The following PHRF1 variants were observed in gnomAD, a reference collection of about 807,000 sequenced individuals.
The protein encoded by PHRF1 is PHD and ring finger domains 1, also known as PHD and RING finger domain-containing protein 1.
A neutral mutation model predicts 128.9 loss-of-function variants in PHRF1; 53 were observed. The observed-to-expected ratio is 0.41, with a 90% CI of 0.33 to 0.52. The LOEUF is 0.52. Ranked by LOEUF, PHRF1 falls within the 20% of genes least tolerant of loss-of-function variation. The pLI is 0.21. For missense variants in PHRF1, 2,503 were observed against 2,284.5 expected (o/e 1.10, Z -1.95); for synonymous variants, 1,178 against 980.6 (o/e 1.20, Z -3.76).
In PHRF1 at chr11:608,291, T is replaced by TG; in HGVS notation, c.2839dup (p.Ala947GlyfsTer10). On this transcript the variant is annotated frameshift_variant, in exon 14 of 18. Transcript: ENST00000264555. LOFTEE classifies it high-confidence loss of function. ...CCCCAGAGCCCTGGGATGAGGAGGA[T>TG]GGGGCGTCTTGCAGCACCTTCTTTG... 1.2e-6 allele frequency: 2 copies of TG among 1,609,504 alleles called. No individual in the cohort carries two copies. The highest frequency in any genetic ancestry group is 1.7e-6 in the Non-Finnish European group (2 of 1,179,140).
At chr11:604,260 G>C (rs1038260493) in intron 10 of PHRF1, among the ~76,000 whole-genome samples, 11 of 152,186 alleles carry the variant, frequency 7.2e-5, no homozygotes, top group Non-Finnish European at 1.6e-4. Flanking sequence ...TGTTTCTGTG[G>C]TTCCTTTCTT....
chr11:585,743 C>T (rs1289808757), intron 3 of PHRF1, among the ~76,000 whole-genome samples: 1 of 145,392 alleles, frequency 6.9e-6, no homozygotes, highest in Admixed American at 7.2e-5. Flanking sequence ...TGCAGCAGCA[C>T]GATCTCAGTT....
At position 608,231 on chromosome 11, in the gene PHRF1, C is replaced by CCAGG; in HGVS notation, c.2776_2779dup (p.Gly927AlafsTer18). 2 of 1,609,768 alleles carry CCAGG rather than the reference C, an allele frequency of 1.2e-6. No individual in the cohort carries two copies. The highest frequency in any genetic ancestry group is 8.5e-7 in the Non-Finnish European group (1 of 1,179,788). ...CGGAGCGAGAGGAGCCCACAGAGAGCCAGGGCCTGGCTGCCCGGCTGCGGA... is the reference window on the plus strand; with the variant it reads ...CGGAGCGAGAGGAGCCCACAGAGAGCCAGGCAGGGCCTGGCTGCCCGGCTGCGGA... On this transcript the variant is annotated frameshift_variant, in exon 14 of 18. Transcript: ENST00000264555. LOFTEE classifies it high-confidence loss of function.
At chr11:585,841 C>T (rs980655438) in intron 3 of PHRF1, among the ~76,000 whole-genome samples, 1 of 151,348 alleles carries the variant, frequency 6.6e-6, no homozygotes, top group African/African-American at 2.4e-5. Flanking sequence ...CCACCGCGTC[C>T]AGCTAATTTT....
At chr11:579,769 C>T (rs1275100269) in intron 1 of PHRF1, among the ~76,000 whole-genome samples, 1 of 152,210 alleles carries the variant, frequency 6.6e-6, no homozygotes, top group Non-Finnish European at 1.5e-5. Flanking sequence ...ATCGCTGTTT[C>T]CAGGCAGTAG....
rs377279203 is a variant in PHRF1 at position 609,794 on chromosome 11, G to A, written c.4264+74G>A. 459 of 1,049,900 alleles carry A rather than the reference G, an allele frequency of 4.4e-4. 3 individuals carry two copies. Among genetic ancestry groups the A allele is most frequent in the Middle Eastern group, 3.7e-3 (10 of 2,688 alleles). The allele number at this position is 1,049,900 out of a possible 1,614,324, so 65.0% of individuals were successfully genotyped here. A position where few individuals can be genotyped will look rare whatever the true frequency, so the allele number is the denominator to read the frequency against. On this transcript the variant is annotated intron_variant, in intron 14 of 17. Transcript: ENST00000264555. ...GGCCCTGGCCCCCGCCGAGGACAGA[G>A]CCCCCCGTGAGTAAGGCCCCGGCCT...
rs201641830 is a variant in PHRF1, at chr11:587,343, A to T, written c.299A>T (p.Asn100Ile). 24 of 1,613,694 alleles carry T rather than the reference A, an allele frequency of 1.5e-5. No individual in the cohort carries two copies. The African/African-American group carries it at 3.1e-4, about 21-fold the overall frequency. Residue 100 changes from asparagine (N) to isoleucine (I), a missense_variant, in exon 4 of 18, where the codon AAT (asparagine) becomes ATT (isoleucine). Transcript: ENST00000264555. ...QGKLEAAGSFNSDDDAESCPI... is the reference protein window; with the variant it reads ...QGKLEAAGSFISDDDAESCPI... The stretch of plus-strand genomic sequence containing the variant: ...AAACTGGAAGCCGCTGGCTCTTTCA[A>T]TTCTGATGATGATGCAGAGAGCTGC...
rs144036793 is a variant in PHRF1, at chr11:601,803, G to A, written c.1152+102G>A. On this transcript the variant is annotated intron_variant, in intron 10 of 17. Transcript: ENST00000264555. ...CTCCCGCTGGCCTTGGCACCCTCGCGCGGTTATGGAGCAGGGATCATCATC... is the reference window on the plus strand; with the variant it reads ...CTCCCGCTGGCCTTGGCACCCTCGCACGGTTATGGAGCAGGGATCATCATC... The A allele has an allele frequency of 8.5e-4, 1,230 of 1,446,904 alleles. 12 individuals are homozygous for A. The African/African-American group carries it at 0.015, about 17-fold the overall frequency. 89.6% of individuals were successfully genotyped at this position (1,446,904 alleles called of 1,614,324 possible).
At chr11:606,749 G>A (rs936469) in intron 13 of PHRF1, 153 bp downstream of exon 13, 259,014 of 1,188,736 alleles carry the variant, frequency 0.22, 30,196 homozygotes, top group African/African-American at 0.32. Context: ...TTCCCTTCTT[G>A]AGCAGTTTCT....
Position 609,667 on chromosome 11 carries a change from C to T in PHRF1, c.4211C>T (p.Thr1404Ile), listed in dbSNP as rs369674579. The T allele has an allele frequency of 4.5e-6, 7 of 1,555,878 alleles. No homozygotes were observed. Among genetic ancestry groups the T allele is most frequent in the Non-Finnish European group, 6.1e-6 (7 of 1,153,612 alleles). ...LRSRALVKRV[T>I]WNLQESESSA... The stretch of plus-strand genomic sequence containing the variant: ...TCCAGAGCCCTGGTGAAGCGGGTCA[C>T]CTGGAACCTGCAGGAGTCGGAGAGC... The change falls in exon 14 of 18, where the codon ACC becomes ATC. Residue 1404 changes from threonine (T) to isoleucine (I), a missense_variant. Physicochemically the swap from Thr to Ile is moderately conservative, Grantham distance 89 (BLOSUM62 -1). Coordinates refer to ENST00000264555, the MANE Select transcript of PHRF1 (RefSeq NM_001286581.2).
chr11:606,421 GC>G lies in PHRF1; in HGVS notation c.1455-19del. On this transcript the variant is annotated intron_variant, in intron 12 of 17. Coordinates refer to ENST00000264555, the MANE Select transcript of PHRF1 (RefSeq NM_001286581.2). ...GGCCGTGGGAGGCAGTGACGGCAGGGCCTTGGGTCTGTGCCCACAGGAGGCG... is the reference window on the plus strand; with the variant it reads ...GGCCGTGGGAGGCAGTGACGGCAGGGCTTGGGTCTGTGCCCACAGGAGGCG... 1 of 1,535,320 alleles carries G rather than the reference GC, an allele frequency of 6.5e-7. No individual in the cohort carries two copies. The highest frequency in any genetic ancestry group is 1.2e-5 in the South Asian group (1 of 83,934).
intron 4 of PHRF1, among the ~76,000 whole-genome samples, chr11:589,640 G>A (rs1347017950): frequency 3.9e-5 from 6 of 152,238 alleles, no homozygotes; most frequent in South Asian, 4.1e-4. Flanking sequence ...ACACGATGCC[G>A]GACGGAGTCA....
chr11:611,028 G>T lies in PHRF1; in HGVS notation c.4752G>T (p.Lys1584Asn). 1 of 1,613,510 alleles carries T rather than the reference G, an allele frequency of 6.2e-7. No homozygotes were observed. The highest frequency in any genetic ancestry group is 8.5e-7 in the Non-Finnish European group (1 of 1,179,808). The change falls in exon 17 of 18, where the codon AAG becomes AAT. Residue 1584 changes from lysine to asparagine, a missense_variant. Coordinates refer to ENST00000264555, the MANE Select transcript of PHRF1 (RefSeq NM_001286581.2). The part of the protein sequence containing the change: ...VKLAIKPFYQ[K>N]REVTKEEYKD... ...TGGCCATCAAGCCCTTCTACCAGAAGAGGGAGGTGACCAAGGAGGAGTACA... is the reference window on the plus strand; with the variant it reads ...TGGCCATCAAGCCCTTCTACCAGAATAGGGAGGTGACCAAGGAGGAGTACA...
chr11:577,999 G>A (rs1853988733), intron 1 of PHRF1, among the ~76,000 whole-genome samples: 1 of 152,264 alleles, frequency 6.6e-6, no homozygotes, highest in Non-Finnish European at 1.5e-5. Flanking sequence ...AGCCAAAGGT[G>A]GCCAGCAGCT....
At chr11:587,824 C>G (rs990198121) in intron 4 of PHRF1, among the ~76,000 whole-genome samples, 1 of 152,176 alleles carries the variant, frequency 6.6e-6, no homozygotes, top group South Asian at 2.1e-4. Context: ...ATGTGGTTCT[C>G]TCAGTTGATA....
At chr11:601,218 G>A (rs1855604480) in intron 9 of PHRF1, among the ~76,000 whole-genome samples, 1 of 152,114 alleles carries the variant, frequency 6.6e-6, no homozygotes, top group South Asian at 2.1e-4. Context: ...GCTGAGGCAG[G>A]AGGATCGCTT....
intron 12 of PHRF1, 85 bp from the exon 13 acceptor site, chr11:606,357 C>T (rs1855937504): frequency 6.9e-7 from 1 of 1,442,676 alleles, no homozygotes; most frequent in Non-Finnish European, 9.1e-7. Context: ...CTCCCTGGCT[C>T]CCGCCTGCTG....
chr11:596,258 A>C (rs1038911579), intron 6 of PHRF1, among the ~76,000 whole-genome samples: 2 of 152,156 alleles, frequency 1.3e-5, no homozygotes, highest in African/African-American at 4.8e-5. Context: ...GGCTGCTTGG[A>C]GGGGCACATA....
At chr11:584,161 GCT>G (rs1854385578) in intron 3 of PHRF1, among the ~76,000 whole-genome samples, 1 of 152,214 alleles carries the variant, frequency 6.6e-6, no homozygotes, top group African/African-American at 2.4e-5. Flanking sequence ...CTGCGGGTCT[GCT>G]TGGGTCTGCA....
Sources: allele counts gnomAD v4.1 joint callset (sites outside exome capture counted in the v4.1 genomes callset), GRCh38; gene constraint gnomAD v4.1.1; transcripts MANE v1.5; gene names NCBI Gene and HGNC (gene_info 2026-07-23, HGNC 2026-07-21).